The following PAN3 variants were observed in gnomAD, a reference collection of about 807,000 sequenced individuals.
PAN3 encodes PAN2-PAN3 deadenylation complex subunit PAN3.
Under a neutral mutation model 96.2 loss-of-function variants are expected in PAN3, and 19 were observed. That is an observed-to-expected ratio of 0.20 (90% confidence interval 0.14 to 0.29). PAN3 has a LOEUF of 0.29. PAN3 is among the 10% of genes least tolerant of loss of function. PAN3 has a pLI of 1.00. For missense variants in PAN3, 882 were observed against 1,108.1 expected, an observed-to-expected ratio of 0.80 and a Z score of 2.90; for synonymous variants, 433 against 406.6, an observed-to-expected ratio of 1.06 and a Z score of -0.78.
At chr13:28,213,079 G>A (rs1323450027) in intron 5 of PAN3, among the ~76,000 whole-genome samples, 2 of 151,974 alleles carry the variant, frequency 1.3e-5, no homozygotes, top group East Asian at 1.9e-4. Context: ...TTGGCTTTCC[G>A]TATCCATGGG....
chr13:28,200,451 TAAC>T (rs1170473445), intron 5 of PAN3, among the ~76,000 whole-genome samples: 1 of 152,212 alleles, frequency 6.6e-6, no homozygotes, highest in Non-Finnish European at 1.5e-5. Flanking sequence ...ACAAGAAACT[TAAC>T]AAAACCTTGG....
upstream of PAN3, chr13:28,138,390 T>G: frequency 5.0e-6 from 1 of 198,906 alleles, no homozygotes. Context: ...GCTCACCCCG[T>G]CGTCCCGCGC....
Position 28,277,359 on chromosome 13 carries a change from C to T in PAN3, c.2172C>T (p.Asp724=), listed in dbSNP as rs758057192. 1 of 1,610,204 alleles carries T rather than the reference C, an allele frequency of 6.2e-7. No homozygotes were observed. Among genetic ancestry groups the T allele is most frequent in the Admixed American group, 1.7e-5 (1 of 59,050 alleles). The change falls in exon 15 of 19, where the codon GAC becomes GAT. Residue 724 remains aspartate (D), a synonymous_variant. Transcript: ENST00000380958. ...TGGTGACAATCAACTATTCCTCTGACCTGAAGAATCTGATTTTGTAAGTTT... is the reference window on the plus strand; with the variant it reads ...TGGTGACAATCAACTATTCCTCTGATCTGAAGAATCTGATTTTGTAAGTTT... ...MELVTINYSS[D]LKNLILYLLT... is the part of the protein sequence containing the mutation.
At chr13:28,289,256 C>G (rs955093922) in intron 18 of PAN3, among the ~76,000 whole-genome samples, 1 of 152,012 alleles carries the variant, frequency 6.6e-6, no homozygotes, top group African/African-American at 2.4e-5. Flanking sequence ...AAAAATAGAT[C>G]ATAAATTTAT....
intron 1 of PAN3, among the ~76,000 whole-genome samples, chr13:28,140,415 A>T (rs1432185025): frequency 6.6e-6 from 1 of 151,342 alleles, no homozygotes; most frequent in Non-Finnish European, 1.5e-5. Context: ...ATCTTAAAAT[A>T]ATCTGATAGG....
intron 6 of PAN3, among the ~76,000 whole-genome samples, chr13:28,230,487 A>T (rs1391309217): frequency 1.3e-5 from 2 of 152,142 alleles, no homozygotes; most frequent in African/African-American, 4.8e-5. Context: ...TTACACTTTA[A>T]TATGTATGTT....
chr13:28,255,912 A>G (rs1040297047), intron 6 of PAN3, among the ~76,000 whole-genome samples: 1 of 152,054 alleles, frequency 6.6e-6, no homozygotes, highest in Non-Finnish European at 1.5e-5. Flanking sequence ...TGCCTTTTAT[A>G]AAAGAAAAAC....
chr13:28,144,025 C>T (rs906929993), intron 1 of PAN3, among the ~76,000 whole-genome samples: 4 of 151,992 alleles, frequency 2.6e-5, no homozygotes, highest in Admixed American at 6.6e-5. Flanking sequence ...CTTAGTATAT[C>T]ATGAAGGCTT....
intron 5 of PAN3, among the ~76,000 whole-genome samples, chr13:28,217,392 G>A (rs1880913032): frequency 6.6e-6 from 1 of 152,040 alleles, no homozygotes; most frequent in Non-Finnish European, 1.5e-5. Flanking sequence ...GACCAACTTG[G>A]CCAACATGAT....
At chr13:28,281,766 C>CTTTTTTTTT (rs10707261) in intron 17 of PAN3, among the ~76,000 whole-genome samples, 4 of 114,958 alleles carry the variant, frequency 3.5e-5, no homozygotes, top group Non-Finnish European at 3.6e-5. Flanking sequence ...TTAAAGCACA[C>CTTTTTTTTT]TTTTTTTTTT....
At chr13:28,174,205 CA>C in intron 1 of PAN3, 66 bp from the exon 2 acceptor site, 1 of 1,487,976 alleles carries the variant, frequency 6.7e-7, no homozygotes. Context: ...TTTAGGAACA[CA>C]GAAGTGAAAT....
intron 1 of PAN3, among the ~76,000 whole-genome samples, chr13:28,153,906 T>C (rs1871733716): frequency 6.6e-6 from 1 of 152,210 alleles, no homozygotes; most frequent in South Asian, 2.1e-4. Flanking sequence ...GAAATAAAAT[T>C]TTCTCTCTGT....
intron 14 of PAN3, among the ~76,000 whole-genome samples, chr13:28,273,878 A>ATT (rs2138683501): frequency 6.6e-6 from 1 of 152,320 alleles, no homozygotes; most frequent in African/African-American, 2.4e-5. Flanking sequence ...TTGGAAGAAG[A>ATT]TTTTAGTTCA....
rs776581007 is a variant in PAN3 at position 28,138,944 on chromosome 13, C to T, written c.287C>T (p.Ala96Val). Reference protein sequence around the residue: ...VPLALAGAPVAGFPPGAVAGG... With the variant: ...VPLALAGAPVVGFPPGAVAGG... ...CTGGCTCTGGCTGGTGCACCCGTGG[C>T]CGGCTTTCCGCCGGGAGCCGTCGCG... is the stretch of plus-strand genomic sequence containing the variant. Residue 96 changes from alanine (A) to valine (V), a missense_variant, in exon 1 of 19, where the codon GCC becomes GTC. Around this residue, in one of 3 missense-constraint regions of PAN3, gnomAD observed 442 missense variants for 422.8 expected, o/e 1.05. Coordinates refer to ENST00000380958, the MANE Select transcript of PAN3 (RefSeq NM_175854.8). The T allele has an allele frequency of 7.5e-7, 1 of 1,328,126 alleles. No individual in the cohort carries two copies. Among genetic ancestry groups the T allele is most frequent in the Non-Finnish European group, 9.6e-7 (1 of 1,040,710 alleles). 82.3% of individuals were successfully genotyped at this position (1,328,126 alleles called of 1,614,324 possible). A position where few individuals can be genotyped will look rare whatever the true frequency, so the allele number is the denominator to read the frequency against.
rs1220170303 is a variant in PAN3 at position 28,224,948 on chromosome 13, A to AT, written c.1000+4571dup. ...TGTTGCATATTATTAAGGCAAACTC[A>AT]TATGATTGATATGGGGAGAATCATC... On this transcript the variant is annotated intron_variant, in intron 6 of 18. Transcript: ENST00000380958. Among the ~76,000 whole-genome samples, 25 of 152,330 alleles carry AT rather than the reference A, an allele frequency of 1.6e-4. No individual in the cohort carries two copies. In the East Asian group the frequency reaches 4.8e-3, roughly 29 times the overall value.
intron 6 of PAN3, among the ~76,000 whole-genome samples, chr13:28,229,538 A>G (rs1882322551): frequency 1.3e-5 from 2 of 152,188 alleles, no homozygotes; most frequent in African/African-American, 2.4e-5. Context: ...ATTTCAAGTT[A>G]TGTGATTACT....
chr13:28,212,480 A>G (rs1880164495), intron 5 of PAN3, among the ~76,000 whole-genome samples: 1 of 152,220 alleles, frequency 6.6e-6, no homozygotes, highest in Admixed American at 6.6e-5. Context: ...CAGGCAAAGG[A>G]GGAGGAAAGT....
rs1274973520 is a variant in PAN3, at chr13:28,171,298, CTT to C, written c.431-2971_431-2970del. Among the ~76,000 whole-genome samples the C allele has an allele frequency of 3.3e-5, 5 of 152,268 alleles. No individual in the cohort carries two copies. In the East Asian group the frequency reaches 9.7e-4, roughly 29 times the overall value. On this transcript the variant is annotated intron_variant, in intron 1 of 18. Transcript: ENST00000380958. The stretch of plus-strand genomic sequence containing the variant: ...TTTTCTACTACACTCTCACACAACA[CTT>C]TTGACACCAGAAGTGTGGAGTTTTT...
chr13:28,271,390 T>G (rs1054894982), intron 13 of PAN3, among the ~76,000 whole-genome samples: 11 of 152,206 alleles, frequency 7.2e-5, no homozygotes, highest in African/African-American at 2.4e-4. Flanking sequence ...ATTTTGTGAT[T>G]GTCTTGGGCT....
Sources: allele counts gnomAD v4.1 joint callset (sites outside exome capture counted in the v4.1 genomes callset), GRCh38; gene constraint gnomAD v4.1.1; regional missense constraint gnomAD v4.1.1; transcripts MANE v1.5; gene names NCBI Gene and HGNC (gene_info 2026-07-23, HGNC 2026-07-21).